Variants in PSMD4 observed in about 807,000 individuals in gnomAD.
PSMD4 encodes the protein 26S proteasome non-ATPase regulatory subunit 4.
A neutral mutation model predicts 39.7 loss-of-function variants in PSMD4; 5 were observed. The ratio of observed to expected loss-of-function variants is 0.13; its 90% CI spans 0.07 to 0.26. PSMD4 has a LOEUF of 0.26. Ranked by LOEUF, PSMD4 falls within the 10% of genes least tolerant of loss-of-function variation. The probability of loss-of-function intolerance (pLI) is 1.00; values close to 1 mark genes in which losing one functional copy is unlikely to be tolerated. For synonymous variants in PSMD4, 143 were observed against 174.6 expected (o/e 0.82, Z 1.43); for missense variants, 272 against 486.1 (o/e 0.56, Z 4.14).
rs1161718731 is a variant in PSMD4 at position 151,256,364 on chromosome 1, A to AAAAT, written c.26+1584_26+1587dup. On this transcript the variant is annotated intron_variant, in intron 1 of 9. Transcript: ENST00000368884. ...CTCTCAAAAAAAAAAAAATAATAAT[A>AAAAT]AAATAAATAAATAAATAAATAAATA... 3.0e-3 allele frequency among the ~76,000 whole-genome samples: 137 copies of AAAAT among 45,644 alleles called. 4 individuals carry two copies. The highest frequency in any genetic ancestry group is 7.5e-3 in the African/African-American group (62 of 8,268). The allele number at this position is 45,644 out of a possible 152,430, so 29.9% of individuals were successfully genotyped here. A position where few individuals can be genotyped will look rare whatever the true frequency, so the allele number is the denominator to read the frequency against.
rs1227166233 is a variant in PSMD4 at position 151,265,192 on chromosome 1, G to A, written c.396G>A (p.Lys132=). 6.2e-7 allele frequency: 1 copy of A among 1,613,590 alleles called. No individual in the cohort carries two copies. The highest frequency in any genetic ancestry group is 1.1e-5 in the South Asian group (1 of 90,922). The stretch of plus-strand genomic sequence containing the variant: ...TGGTGAAACTGGCTAAACGCCTCAA[G>A]AAGGAGAAAGTAAATGTTGACATTA... The part of the protein sequence containing the change: ...KDLVKLAKRL[K]KEKVNVDIIN... The change falls in exon 5 of 10, where the codon AAG becomes AAA. Residue 132 remains lysine, a synonymous_variant. Coordinates refer to ENST00000368884, the MANE Select transcript of PSMD4 (RefSeq NM_002810.4).
At chr1:151,255,376 G>A (rs1469180589) in intron 1 of PSMD4, among the ~76,000 whole-genome samples, 2 of 152,136 alleles carry the variant, frequency 1.3e-5, no homozygotes, top group African/African-American at 4.8e-5. Flanking sequence ...GCGATTTTAA[G>A]TGATTTGTCC....
chr1:151,263,064 A>G (rs2101838873), intron 2 of PSMD4, among the ~76,000 whole-genome samples: 1 of 152,314 alleles, frequency 6.6e-6, no homozygotes, highest in Non-Finnish European at 1.5e-5. Context: ...TGAGCCTTTA[A>G]AAGGAGTTAG....
intron 1 of PSMD4, among the ~76,000 whole-genome samples, chr1:151,261,057 C>T (rs1241263988): frequency 6.6e-6 from 1 of 151,666 alleles, no homozygotes; most frequent in Non-Finnish European, 1.5e-5. Flanking sequence ...TGTTAGCCAA[C>T]ACTGGTCTCT....
At position 151,267,438 on chromosome 1, in the gene PSMD4, C is replaced by A; in HGVS notation, c.*95C>A. The A allele has an allele frequency of 7.0e-7, 1 of 1,425,696 alleles. No homozygotes were observed. The highest frequency in any genetic ancestry group is 9.5e-7 in the Non-Finnish European group (1 of 1,051,256). 88.3% of individuals were successfully genotyped at this position (1,425,696 alleles called of 1,614,324 possible). ...GTGTGTTATCTGTAACCATTACAGC[C>A]TAAATAAAGCTTGGCAACTTTTTTT... On this transcript the variant is annotated 3_prime_UTR_variant, in exon 10 of 10. Transcript: ENST00000368884.
Position 151,266,607 on chromosome 1 carries a change from C to T in PSMD4, c.963+20C>T. 3 of 1,613,338 alleles carry T rather than the reference C, an allele frequency of 1.9e-6. No individual in the cohort carries two copies. Among genetic ancestry groups the T allele is most frequent in the Non-Finnish European group, 2.5e-6 (3 of 1,179,502 alleles). On this transcript the variant is annotated intron_variant, in intron 9 of 9. Transcript: ENST00000368884. Reference sequence around the variant, plus strand: ...GCCAAGGTGAGACCCAACCCTGCCCCCATCAGGTTTAAAGTCCTTGAATTT... The same window carrying T: ...GCCAAGGTGAGACCCAACCCTGCCCTCATCAGGTTTAAAGTCCTTGAATTT...
chr1:151,254,768 G>T lies in PSMD4; in HGVS notation c.-15G>T. 6.4e-7 allele frequency: 1 copy of T among 1,562,020 alleles called. No homozygotes were observed. Among genetic ancestry groups the T allele is most frequent in the Non-Finnish European group, 8.7e-7 (1 of 1,154,520 alleles). On this transcript the variant is annotated 5_prime_UTR_variant, in exon 1 of 10. Coordinates refer to ENST00000368884, the MANE Select transcript of PSMD4 (RefSeq NM_002810.4). ...CCGTCCCGGAGACCCGGTCGGGAGG[G>T]AGGAAGGTGGCAAGATGGTGTTGGA...
intron 1 of PSMD4, among the ~76,000 whole-genome samples, chr1:151,258,451 G>GTGT (rs1209788192): frequency 2.0e-5 from 2 of 99,594 alleles, no homozygotes; most frequent in African/African-American, 4.2e-5. Context: ...CTTTTCGAGT[G>GTGT]TTTTTTTTTT....
In PSMD4 at chr1:151,267,455, A is replaced by G; in HGVS notation, c.*112A>G. The G allele has an allele frequency of 5.3e-6, 7 of 1,308,998 alleles. No homozygotes were observed. Among genetic ancestry groups the G allele is most frequent in the Non-Finnish European group, 7.3e-6 (7 of 953,518 alleles). 81.1% of individuals were successfully genotyped at this position (1,308,998 alleles called of 1,614,324 possible). The stretch of plus-strand genomic sequence containing the variant: ...ATTACAGCCTAAATAAAGCTTGGCA[A>G]CTTTTTTTCCTTTTTTGCTTCAAAT... On this transcript the variant is annotated 3_prime_UTR_variant, in exon 10 of 10. Transcript: ENST00000368884.
intron 2 of PSMD4, among the ~76,000 whole-genome samples, chr1:151,263,280 A>T (rs963578638): frequency 6.6e-6 from 1 of 152,086 alleles, no homozygotes; most frequent in African/African-American, 2.4e-5. Context: ...CCTGACCAAC[A>T]TGGCAAAACC....
intron 1 of PSMD4, among the ~76,000 whole-genome samples, chr1:151,256,648 G>C (rs1693178765): frequency 6.6e-6 from 1 of 150,478 alleles, no homozygotes; most frequent in Non-Finnish European, 1.5e-5. Flanking sequence ...TGTTGGCCAG[G>C]CTAGTCTCAA....
chr1:151,265,370 C>T (rs899863898), intron 5 of PSMD4, 24 bp from the exon 6 acceptor site: 8 of 1,611,038 alleles, frequency 5.0e-6, no homozygotes, highest in South Asian at 1.1e-5. Flanking sequence ...TGAAGAAGGG[C>T]ATCATGTGTT....
intron 1 of PSMD4, among the ~76,000 whole-genome samples, chr1:151,255,726 C>T (rs1316837694): frequency 6.6e-6 from 1 of 151,796 alleles, no homozygotes; most frequent in Non-Finnish European, 1.5e-5. Context: ...TTCAGATAAA[C>T]GATGAATAAT....
At chr1:151,258,452 T>TGG (rs1315238694) in intron 1 of PSMD4, among the ~76,000 whole-genome samples, 20 of 84,802 alleles carry the variant, frequency 2.4e-4, no homozygotes, top group African/African-American at 7.7e-4. Context: ...TTTTCGAGTG[T>TGG]TTTTTTTTTT....
intron 1 of PSMD4, among the ~76,000 whole-genome samples, chr1:151,256,270 G>A (rs755034290): frequency 1.7e-4 from 25 of 149,698 alleles, no homozygotes; most frequent in Non-Finnish European, 2.8e-4. Flanking sequence ...TTTGAACCCC[G>A]GAGGTGGAGG....
At chr1:151,255,789 G>T (rs1693151093) in intron 1 of PSMD4, among the ~76,000 whole-genome samples, 1 of 152,034 alleles carries the variant, frequency 6.6e-6, no homozygotes, top group Non-Finnish European at 1.5e-5. Context: ...CAGTGGCCCA[G>T]TCTGGCTCAC....
chr1:151,259,399 C>CT (rs1693265189), intron 1 of PSMD4, among the ~76,000 whole-genome samples: 2 of 152,180 alleles, frequency 1.3e-5, no homozygotes, highest in African/African-American at 4.8e-5. Context: ...AACTCAAAAA[C>CT]TTTCTGATTT....
rs1017455028 is a variant in PSMD4, at chr1:151,265,538, G to A, written c.583G>A (p.Ala195Thr). 1.5e-5 allele frequency: 24 copies of A among 1,614,100 alleles called. No individual in the cohort carries two copies. Among genetic ancestry groups the A allele is most frequent in the Non-Finnish European group, 1.9e-5 (23 of 1,180,056 alleles). Residue 195 changes from alanine to threonine, a missense_variant, in exon 6 of 10, where the codon GCC becomes ACC. Around this residue, in one of 3 missense-constraint regions of PSMD4, gnomAD observed 153 missense variants for 257.6 expected, o/e 0.59. Coordinates refer to ENST00000368884, the MANE Select transcript of PSMD4 (RefSeq NM_002810.4). ...TCCGATTTTGGCTGGTGAAGGTGGT[G>A]CCATGCTGGGTCTTGGTGCCAGTGA... ...SSPILAGEGG[A>T]MLGLGASDFE... is the part of the protein sequence containing the mutation.
rs369398681 is a variant in PSMD4, at chr1:151,266,598, A to T, written c.963+11A>T. On this transcript the variant is annotated intron_variant, in intron 9 of 9. Coordinates refer to ENST00000368884, the MANE Select transcript of PSMD4 (RefSeq NM_002810.4). ...TCTGAGCCAGCCAAGGTGAGACCCA[A>T]CCCTGCCCCCATCAGGTTTAAAGTC... The T allele has an allele frequency of 4.0e-5, 65 of 1,613,838 alleles. No individual in the cohort carries two copies. Among genetic ancestry groups the T allele is most frequent in the Non-Finnish European group, 4.7e-5 (56 of 1,179,914 alleles).
Sources: allele counts gnomAD v4.1 joint callset (sites outside exome capture counted in the v4.1 genomes callset), GRCh38; gene constraint gnomAD v4.1.1; regional missense constraint gnomAD v4.1.1; transcripts MANE v1.5; gene names NCBI Gene and HGNC (gene_info 2026-07-23, HGNC 2026-07-21).